MSRA: variants seen among roughly 807,000 people sequenced by gnomAD.
MSRA encodes methionine sulfoxide reductase A.
A neutral mutation model predicts 31.3 loss-of-function variants in MSRA; 54 were observed. The observed-to-expected ratio is 1.73, with a 90% CI of 1.39 to 2.17. The LOEUF (loss-of-function observed/expected upper bound fraction) is 2.17. Among genes scored for constraint, MSRA ranks in the 30% most tolerant of loss-of-function variants. The pLI is 0.00. For synonymous variants in MSRA, 169 were observed against 116.5 expected, an observed-to-expected ratio of 1.45 and a Z score of -2.90; for missense variants, 507 against 300.9, an observed-to-expected ratio of 1.69 and a Z score of -5.07.
intron 3 of MSRA, among the ~76,000 whole-genome samples, chr8:10,287,837 T>C (rs1800019854): frequency 1.3e-5 from 2 of 152,128 alleles, no homozygotes; most frequent in Admixed American, 1.3e-4. Context: ...TGTAAAGTCG[T>C]CCCTGCGTTC....
At chr8:10,389,198 C>T (rs1311286227) in intron 5 of MSRA, among the ~76,000 whole-genome samples, 7 of 152,116 alleles carry the variant, frequency 4.6e-5, no homozygotes, top group African/African-American at 1.7e-4. Flanking sequence ...GAAAAGGACC[C>T]TGGCATTTGT....
At chr8:10,317,495 C>G (rs190471675) in intron 4 of MSRA, among the ~76,000 whole-genome samples, 3 of 152,252 alleles carry the variant, frequency 2.0e-5, no homozygotes, top group Non-Finnish European at 2.9e-5. Flanking sequence ...GGTTGTTTGT[C>G]CCTTTAAAAT....
intron 1 of MSRA, among the ~76,000 whole-genome samples, chr8:10,071,109 A>T (rs761380124): frequency 6.6e-6 from 1 of 152,222 alleles, no homozygotes; most frequent in South Asian, 2.1e-4. Context: ...TCAGTTTGAT[A>T]TTCCCACCAG....
At chr8:10,089,139 C>CAG (rs1563421202) in intron 1 of MSRA, among the ~76,000 whole-genome samples, 1 of 13,872 alleles carries the variant, frequency 7.2e-5, no homozygotes, top group African/African-American at 1.4e-4. Context: ...GCTTTTGTCC[C>CAG]ACACACACAC....
chr8:10,223,288 G>C (rs968323591), intron 2 of MSRA, among the ~76,000 whole-genome samples: 1 of 152,194 alleles, frequency 6.6e-6, no homozygotes, highest in South Asian at 2.1e-4. Context: ...CTTCATGAGA[G>C]TTGAAGTTGA....
chr8:10,305,675 G>A (rs1298366286), intron 4 of MSRA, among the ~76,000 whole-genome samples: 1 of 152,180 alleles, frequency 6.6e-6, no homozygotes, highest in African/African-American at 2.4e-5. Context: ...GCCTCCCCAA[G>A]TGCTGGGATT....
Position 10,207,902 on chromosome 8 carries a change from G to C in MSRA, c.211+1G>C, listed in dbSNP as rs143102963. 1 of 1,610,288 alleles carries C rather than the reference G, an allele frequency of 6.2e-7. No individual in the cohort carries two copies. The highest frequency in any genetic ancestry group is 2.2e-5 in the East Asian group (1 of 44,788). The stretch of plus-strand genomic sequence containing the variant: ...GAGGGAACACAGATGGCTGTATTTG[G>C]TAAGATATCAATTCTGAAAGAAAAC... On this transcript the variant is annotated splice_donor_variant, in intron 2 of 5. Transcript: ENST00000317173. LOFTEE classifies it high-confidence loss of function.
At chr8:10,403,380 C>G (rs1807586225) in intron 5 of MSRA, among the ~76,000 whole-genome samples, 1 of 152,180 alleles carries the variant, frequency 6.6e-6, no homozygotes, top group Non-Finnish European at 1.5e-5. Flanking sequence ...CCTAGCTCCA[C>G]ATGCTCATGC....
chr8:10,118,822 A>G (rs1800883056), intron 1 of MSRA, among the ~76,000 whole-genome samples: 1 of 152,218 alleles, frequency 6.6e-6, no homozygotes, highest in African/African-American at 2.4e-5. Flanking sequence ...CACCCAAGGC[A>G]GAATTTGTCT....
intron 1 of MSRA, among the ~76,000 whole-genome samples, chr8:10,060,378 T>C (rs1802642631): frequency 1.3e-5 from 2 of 152,252 alleles, no homozygotes; most frequent in South Asian, 2.1e-4. Context: ...ATATACAGTA[T>C]GCTAACTTTT....
intron 1 of MSRA, among the ~76,000 whole-genome samples, chr8:10,071,913 C>A (rs1021944118): frequency 6.6e-6 from 1 of 152,174 alleles, no homozygotes; most frequent in Non-Finnish European, 1.5e-5. Context: ...GCAATAGTTA[C>A]ACAGAGAAGA....
At chr8:10,179,495 G>A (rs1156513868) in intron 1 of MSRA, among the ~76,000 whole-genome samples, 1 of 152,144 alleles carries the variant, frequency 6.6e-6, no homozygotes, top group Non-Finnish European at 1.5e-5. Context: ...AAGGGTTTTT[G>A]TCTTGGCAAG....
chr8:10,261,526 G>C (rs776902794), intron 3 of MSRA, among the ~76,000 whole-genome samples: 1 of 151,996 alleles, frequency 6.6e-6, no homozygotes, highest in Admixed American at 6.6e-5. Context: ...CAAGGCATTC[G>C]TTTCTACAAA....
chr8:10,384,458 C>G (rs541396142), intron 5 of MSRA, among the ~76,000 whole-genome samples: 1 of 152,358 alleles, frequency 6.6e-6, no homozygotes, highest in Admixed American at 6.5e-5. Flanking sequence ...GGCAGGATGT[C>G]TTTCTCTCTC....
At chr8:10,071,138 A>G (rs1424000837) in intron 1 of MSRA, among the ~76,000 whole-genome samples, 3 of 152,152 alleles carry the variant, frequency 2.0e-5, no homozygotes, top group Non-Finnish European at 2.9e-5. Context: ...GAAGGATCTG[A>G]TTTCTCTGCA....
chr8:10,389,934 A>G (rs1314313582), intron 5 of MSRA, among the ~76,000 whole-genome samples: 1 of 151,842 alleles, frequency 6.6e-6, no homozygotes, highest in African/African-American at 2.4e-5. Flanking sequence ...AAACGGTCAG[A>G]TTCTGCTTTT....
intron 5 of MSRA, among the ~76,000 whole-genome samples, chr8:10,373,175 G>T (rs1314972274): frequency 6.6e-6 from 1 of 152,220 alleles, no homozygotes; most frequent in Non-Finnish European, 1.5e-5. Context: ...ACAAGCGTGA[G>T]CCACCGCGCC....
intron 1 of MSRA, among the ~76,000 whole-genome samples, chr8:10,109,636 CCA>C (rs1424693890): frequency 6.6e-6 from 1 of 152,122 alleles, no homozygotes; most frequent in Non-Finnish European, 1.5e-5. Flanking sequence ...GCCACTGTGC[CCA>C]GTCTTTTTTC....
chr8:10,365,965 C>A (rs1805141506), intron 5 of MSRA, among the ~76,000 whole-genome samples: 1 of 152,178 alleles, frequency 6.6e-6, no homozygotes, highest in Admixed American at 6.5e-5. Context: ...ACCTTCATTC[C>A]CCTTCAGTCC....
Sources: gnomAD v4.1 joint callset for allele counts (sites outside exome capture counted in the v4.1 genomes callset) on GRCh38, gnomAD v4.1.1 for gene constraint, MANE v1.5 for transcripts, NCBI Gene and HGNC (gene_info 2026-07-23, HGNC 2026-07-21) for gene names.